The following ALCAM variants were observed in gnomAD, a reference collection of about 807,000 sequenced individuals.
The protein encoded by ALCAM is CD166 antigen.
In ALCAM, 30 loss-of-function variants were observed where a neutral mutation model predicts 70.9. The observed-to-expected ratio is 0.42, with a 90% confidence interval of 0.32 to 0.57. ALCAM has a LOEUF of 0.57. ALCAM is among the 20% of genes least tolerant of loss of function. The pLI is 0.11. For missense variants in ALCAM, 591 were observed against 695.1 expected (o/e 0.85, Z 1.68); for synonymous variants, 249 against 242.5 (o/e 1.03, Z -0.25).
At position 105,371,599 on chromosome 3, in the gene ALCAM, T is replaced by C. The variant is rs1053501765; in HGVS notation, c.73+4118T>C. Among the ~76,000 whole-genome samples, 9 of 152,028 alleles carry C rather than the reference T, an allele frequency of 5.9e-5. No homozygotes were observed. The East Asian group carries it at 1.7e-3, about 29-fold the overall frequency. ...GGCCTTTGTAAAACTTAGTACCACCTAAGTTGTCAATATTACTTGGTGTAA... is the reference window on the plus strand; with the variant it reads ...GGCCTTTGTAAAACTTAGTACCACCCAAGTTGTCAATATTACTTGGTGTAA... On this transcript the variant is annotated intron_variant, in intron 1 of 15. Transcript: ENST00000306107.
intron 14 of ALCAM, among the ~76,000 whole-genome samples, chr3:105,569,293 G>C (rs1010868849): frequency 6.6e-6 from 1 of 152,004 alleles, no homozygotes; most frequent in Non-Finnish European, 1.5e-5. Context: ...AGAGGACTGA[G>C]AGAAGACAAG....
At chr3:105,385,692 G>T (rs747381876) in intron 1 of ALCAM, among the ~76,000 whole-genome samples, 5 of 151,538 alleles carry the variant, frequency 3.3e-5, no homozygotes, top group Non-Finnish European at 7.4e-5. Flanking sequence ...GAGCATTTTG[G>T]TCCAAATTTA....
intron 14 of ALCAM, among the ~76,000 whole-genome samples, chr3:105,563,421 T>G (rs1469548741): frequency 6.6e-6 from 1 of 151,714 alleles, no homozygotes; most frequent in African/African-American, 2.4e-5. Flanking sequence ...TTATCATTAC[T>G]ACTTTTTTCT....
At chr3:105,404,991 GA>G (rs1260310259) in intron 1 of ALCAM, among the ~76,000 whole-genome samples, 6 of 152,042 alleles carry the variant, frequency 3.9e-5, no homozygotes, top group African/African-American at 1.2e-4. Flanking sequence ...AAAAGACAAA[GA>G]GGGGGCCCAG....
At chr3:105,451,881 C>T (rs1937437367) in intron 1 of ALCAM, among the ~76,000 whole-genome samples, 1 of 152,142 alleles carries the variant, frequency 6.6e-6, no homozygotes, top group Admixed American at 6.6e-5. Context: ...CCACCTTCCC[C>T]AAGTCCCAAA....
At chr3:105,451,434 C>T (rs774914188) in intron 1 of ALCAM, among the ~76,000 whole-genome samples, 1 of 151,892 alleles carries the variant, frequency 6.6e-6, no homozygotes, top group Non-Finnish European at 1.5e-5. Flanking sequence ...ACCCTCAGAC[C>T]GCATAGAAAC....
At chr3:105,437,323 A>G (rs1411556599) in intron 1 of ALCAM, among the ~76,000 whole-genome samples, 1 of 152,240 alleles carries the variant, frequency 6.6e-6, no homozygotes, top group Non-Finnish European at 1.5e-5. Flanking sequence ...TTAAACCGAT[A>G]TCATCTATTA....
intron 14 of ALCAM, among the ~76,000 whole-genome samples, chr3:105,562,682 CT>C (rs1940651239): frequency 6.6e-6 from 1 of 152,166 alleles, no homozygotes; most frequent in Non-Finnish European, 1.5e-5. Context: ...CCATCCTCTT[CT>C]TTTTCCAAGT....
intron 1 of ALCAM, among the ~76,000 whole-genome samples, chr3:105,457,158 A>AT (rs893658761): frequency 3.9e-5 from 6 of 152,126 alleles, no homozygotes; most frequent in Middle Eastern, 3.4e-3. Context: ...ATCTTAAAAG[A>AT]TTTTTTTCTG....
At chr3:105,402,119 C>T (rs1173906438) in intron 1 of ALCAM, among the ~76,000 whole-genome samples, 1 of 152,078 alleles carries the variant, frequency 6.6e-6, no homozygotes, top group African/African-American at 2.4e-5. Flanking sequence ...AAGGCTTATA[C>T]AGAAAGTAAA....
intron 1 of ALCAM, among the ~76,000 whole-genome samples, chr3:105,395,972 G>A (rs1395706862): frequency 1.3e-5 from 2 of 151,956 alleles, no homozygotes; most frequent in Admixed American, 6.6e-5. Context: ...GATTGGCTTA[G>A]CTTGGGTCAG....
intron 1 of ALCAM, among the ~76,000 whole-genome samples, chr3:105,407,976 A>G (rs1408498758): frequency 1.3e-5 from 2 of 152,170 alleles, no homozygotes; most frequent in Non-Finnish European, 2.9e-5. Context: ...AAAAAATAAA[A>G]TAAAATGCTT....
At chr3:105,483,264 T>C (rs906986725) in intron 1 of ALCAM, among the ~76,000 whole-genome samples, 2 of 152,146 alleles carry the variant, frequency 1.3e-5, no homozygotes, top group Non-Finnish European at 2.9e-5. Flanking sequence ...TATTTATTCA[T>C]CAATAAATAT....
chr3:105,457,230 T>G (rs1392235723), intron 1 of ALCAM, among the ~76,000 whole-genome samples: 1 of 152,230 alleles, frequency 6.6e-6, no homozygotes, highest in Non-Finnish European at 1.5e-5. Flanking sequence ...GGATATGATC[T>G]TGTTCTTTTC....
intron 1 of ALCAM, among the ~76,000 whole-genome samples, chr3:105,473,023 C>T (rs961778875): frequency 6.6e-6 from 1 of 151,392 alleles, no homozygotes; most frequent in Non-Finnish European, 1.5e-5. Flanking sequence ...TACTGCAAGA[C>T]TCACATGTTG....
At chr3:105,519,706 T>C (rs1939479146) in intron 1 of ALCAM, among the ~76,000 whole-genome samples, 1 of 152,144 alleles carries the variant, frequency 6.6e-6, no homozygotes, top group Non-Finnish European at 1.5e-5. Flanking sequence ...CACATTTCTA[T>C]AAAATATGGT....
chr3:105,393,853 A>C (rs1045373901), intron 1 of ALCAM, among the ~76,000 whole-genome samples: 2 of 151,822 alleles, frequency 1.3e-5, no homozygotes, highest in African/African-American at 4.8e-5. Context: ...AAATAAATAC[A>C]AAAAGCCCTA....
intron 1 of ALCAM, among the ~76,000 whole-genome samples, chr3:105,374,222 G>A (rs982710616): frequency 1.4e-4 from 21 of 152,184 alleles, no homozygotes; most frequent in Middle Eastern, 3.4e-3. Context: ...TCCTTAGCAG[G>A]TATAGCTTTT....
intron 14 of ALCAM, among the ~76,000 whole-genome samples, chr3:105,558,679 C>T (rs899550238): frequency 3.3e-5 from 5 of 152,062 alleles, no homozygotes; most frequent in Admixed American, 6.6e-5. Flanking sequence ...CCTTTAAACG[C>T]ACTGCGCTTA....
Sources: allele counts gnomAD v4.1 joint callset (sites outside exome capture counted in the v4.1 genomes callset), GRCh38; gene constraint gnomAD v4.1.1; transcripts MANE v1.5; gene names NCBI Gene and HGNC (gene_info 2026-07-23, HGNC 2026-07-21).